The following HECW1 variants were observed in gnomAD, a reference collection of about 807,000 sequenced individuals.
HECW1 encodes the protein E3 ubiquitin-protein ligase HECW1.
Under a neutral mutation model 182.3 loss-of-function variants are expected in HECW1, and 61 were observed. The observed-to-expected ratio is 0.33, with a 90% CI of 0.27 to 0.41. The LOEUF is 0.41. Ranked by LOEUF, HECW1 falls within the 10% of genes least tolerant of loss-of-function variation. The pLI is 1.00. For synonymous variants in HECW1, 859 were observed against 832.6 expected (o/e 1.03, Z -0.55); for missense variants, 1,739 against 2,108.9 (o/e 0.82, Z 3.44).
At chr7:43,420,143 A>G (rs2076134497) in intron 8 of HECW1, among the ~76,000 whole-genome samples, 1 of 152,246 alleles carries the variant, frequency 6.6e-6, no homozygotes, top group African/African-American at 2.4e-5. Flanking sequence ...GGAGCTAAGA[A>G]CATAAAGTAC....
chr7:43,498,888 A>G (rs1011804440), intron 19 of HECW1, among the ~76,000 whole-genome samples: 1 of 152,184 alleles, frequency 6.6e-6, no homozygotes, highest in Non-Finnish European at 1.5e-5. Flanking sequence ...TTTGCCTGAA[A>G]ATCTCTAAGT....
intron 17 of HECW1, among the ~76,000 whole-genome samples, chr7:43,480,558 C>A (rs1353968055): frequency 6.6e-6 from 1 of 151,386 alleles, no homozygotes; most frequent in Non-Finnish European, 1.5e-5. Context: ...GTTAAAAAAT[C>A]AAAAATATGG....
chr7:43,244,066 G>C (rs1584143838), intron 3 of HECW1, 134 bp downstream of exon 3: 1 of 759,026 alleles, frequency 1.3e-6, no homozygotes, highest in East Asian at 2.5e-5. Flanking sequence ...AGTGTGGCTG[G>C]ACATTTGAGA....
At chr7:43,237,762 C>T (rs998791817) in intron 2 of HECW1, among the ~76,000 whole-genome samples, 1 of 152,110 alleles carries the variant, frequency 6.6e-6, no homozygotes, top group African/African-American at 2.4e-5. Flanking sequence ...AGAACACAAG[C>T]AAACCACCCC....
intron 16 of HECW1, among the ~76,000 whole-genome samples, chr7:43,472,945 G>C (rs1045549440): frequency 6.6e-6 from 1 of 152,128 alleles, no homozygotes; most frequent in Non-Finnish European, 1.5e-5. Flanking sequence ...TGATAGTTTG[G>C]ATATGATTTG....
intron 2 of HECW1, among the ~76,000 whole-genome samples, chr7:43,126,067 C>CTTTTT (rs71008891): frequency 3.8e-5 from 4 of 103,990 alleles, no homozygotes; most frequent in Admixed American, 1.2e-4. Context: ...TTTGTTCTCA[C>CTTTTT]TTTTTTTTTT....
chr7:43,542,159 A>G (rs777003479), intron 26 of HECW1, among the ~76,000 whole-genome samples, 161 bp downstream of exon 26: 53 of 152,162 alleles, frequency 3.5e-4, no homozygotes, highest in Non-Finnish European at 6.2e-4. Context: ...TCATCTTGCA[A>G]AACAGAAACT....
chr7:43,407,047 T>A (rs1048600858), intron 7 of HECW1, among the ~76,000 whole-genome samples: 1 of 152,212 alleles, frequency 6.6e-6, no homozygotes, highest in Non-Finnish European at 1.5e-5. Context: ...TTGTGCAGCA[T>A]GAAATTGTAC....
chr7:43,387,823 A>T lies in HECW1; in HGVS notation c.556-8991A>T, dbSNP rs145104158. ...CGTGGGCCCCTTGATTGACTAGCTT[A>T]TGCTTCACGTTTTTCATCTATAAAG... On this transcript the variant is annotated intron_variant, in intron 6 of 29. Coordinates refer to ENST00000395891, the MANE Select transcript of HECW1 (RefSeq NM_015052.5). 1.3e-3 allele frequency among the ~76,000 whole-genome samples: 201 copies of T among 152,346 alleles called. 1 individual carries two copies. Among genetic ancestry groups the T allele is most frequent in the Non-Finnish European group, 2.0e-3 (135 of 68,034 alleles).
intron 3 of HECW1, among the ~76,000 whole-genome samples, chr7:43,264,656 T>C (rs11975714): frequency 0.14 from 20,603 of 151,880 alleles, 2,221 homozygotes; most frequent in South Asian, 0.3. Context: ...CCATCCTGGC[T>C]AACACAGTGA....
chr7:43,364,382 CTA>C (rs1816353330), intron 6 of HECW1, among the ~76,000 whole-genome samples: 1 of 152,172 alleles, frequency 6.6e-6, no homozygotes, highest in East Asian at 1.9e-4. Context: ...ATATCAGAAA[CTA>C]TGATGGATGT....
intron 8 of HECW1, among the ~76,000 whole-genome samples, chr7:43,416,255 C>A (rs1236003819): frequency 6.6e-6 from 1 of 150,770 alleles, no homozygotes; most frequent in Non-Finnish European, 1.5e-5. Context: ...ACAGACAGCA[C>A]CCTCAGCTGC....
At chr7:43,450,436 T>C (rs1006526316) in intron 11 of HECW1, among the ~76,000 whole-genome samples, 6 of 152,216 alleles carry the variant, frequency 3.9e-5, no homozygotes, top group Non-Finnish European at 5.9e-5. Flanking sequence ...GGAACTTTTG[T>C]GGAACCTTAT....
At chr7:43,370,442 T>G (rs1490211220) in intron 6 of HECW1, among the ~76,000 whole-genome samples, 1 of 152,236 alleles carries the variant, frequency 6.6e-6, no homozygotes, top group Non-Finnish European at 1.5e-5. Flanking sequence ...GACAATTTGG[T>G]TGTTACTTAC....
intron 29 of HECW1, among the ~76,000 whole-genome samples, chr7:43,557,004 C>T (rs979690619): frequency 6.6e-6 from 1 of 151,986 alleles, no homozygotes; most frequent in African/African-American, 2.4e-5. Context: ...GAAGCAAATG[C>T]CTCTAAGAGG....
chr7:43,177,300 C>G (rs1409903159), intron 2 of HECW1, among the ~76,000 whole-genome samples: 1 of 152,138 alleles, frequency 6.6e-6, no homozygotes, highest in Admixed American at 6.5e-5. Context: ...TCTCTCTGAT[C>G]ATTGGTGGTG....
At chr7:43,229,970 A>G (rs2152708382) in intron 2 of HECW1, among the ~76,000 whole-genome samples, 1 of 152,336 alleles carries the variant, frequency 6.6e-6, no homozygotes, top group South Asian at 2.1e-4. Context: ...CTCCTGTTAC[A>G]GGGCATTGAG....
At chr7:43,541,794 A>G in intron 25 of HECW1, 75 bp from the exon 26 acceptor site, 1 of 1,304,460 alleles carries the variant, frequency 7.7e-7, no homozygotes, top group African/African-American at 1.5e-5. Context: ...GCCAGGAATG[A>G]TATAACCACA....
intron 2 of HECW1, among the ~76,000 whole-genome samples, chr7:43,172,801 G>A (rs559381542): frequency 1.2e-4 from 19 of 152,336 alleles, no homozygotes; most frequent in African/African-American, 4.6e-4. Context: ...TTTCTGAGTG[G>A]CATTGTAAGC....
Sources: gnomAD v4.1 joint callset for allele counts (sites outside exome capture counted in the v4.1 genomes callset) on GRCh38, gnomAD v4.1.1 for gene constraint, MANE v1.5 for transcripts, NCBI Gene and HGNC (gene_info 2026-07-23, HGNC 2026-07-21) for gene names.